TRMT6: variants seen among roughly 807,000 people sequenced by gnomAD.
The protein encoded by TRMT6 is tRNA methyltransferase 6 non-catalytic subunit.
A neutral mutation model predicts 59.0 loss-of-function variants in TRMT6; 34 were observed. The observed-to-expected ratio is 0.58, with a 90% CI of 0.44 to 0.77. The LOEUF is 0.77. Among genes scored for constraint, TRMT6 ranks in the 30% least tolerant of loss-of-function variants. The pLI, the probability that TRMT6 is intolerant of heterozygous loss-of-function variation, is 0.00. For synonymous variants in TRMT6, 217 were observed against 210.5 expected, an observed-to-expected ratio of 1.03 and a Z score of -0.27; for missense variants, 575 against 604.5, an observed-to-expected ratio of 0.95 and a Z score of 0.51.
intron 2 of TRMT6, among the ~76,000 whole-genome samples, chr20:5,945,403 T>C (rs760463860): frequency 5.3e-5 from 8 of 152,232 alleles, no homozygotes; most frequent in South Asian, 4.1e-4. Flanking sequence ...ACGACAGATG[T>C]CTGAGTGGCT....
intron 6 of TRMT6, 119 bp downstream of exon 6, chr20:5,943,440 C>T (rs2088676474): frequency 7.4e-7 from 1 of 1,360,354 alleles, no homozygotes; most frequent in Non-Finnish European, 1.0e-6. Context: ...CAGGTTCACC[C>T]AAGTCACTTT....
Position 5,938,518 on chromosome 20 carries a change from A to G in TRMT6, c.*17T>C. 1 of 1,603,518 alleles carries G rather than the reference A, an allele frequency of 6.2e-7. No homozygotes were observed. Among genetic ancestry groups the G allele is most frequent in the Non-Finnish European group, 8.5e-7 (1 of 1,174,152 alleles). On this transcript the variant is annotated 3_prime_UTR_variant, in exon 11 of 11. Transcript: ENST00000203001. ...TATAATGCCTGAGAACAAAATTCAGAGCAATTCTCAAAAGGGTTAAGAGTC... is the reference window on the plus strand; with the variant it reads ...TATAATGCCTGAGAACAAAATTCAGGGCAATTCTCAAAAGGGTTAAGAGTC...
intron 8 of TRMT6, chr20:5,941,721 T>C (rs981730037): frequency 1.4e-5 from 8 of 568,202 alleles, no homozygotes; most frequent in South Asian, 2.4e-5. Context: ...AGGGCCCATC[T>C]TGATGCAGTG....
In TRMT6 at chr20:5,938,576, GCTC is replaced by G; in HGVS notation, c.1450_1452del (p.Glu484del). On this transcript the variant is annotated inframe_deletion, in exon 11 of 11. Coordinates refer to ENST00000203001, the MANE Select transcript of TRMT6 (RefSeq NM_015939.5). ...GGGCATTTTCGTTTTTTAGCTGCAG[GCTC>G]CTCAGTCTCGTGTGATTCTAAAGTG... The G allele has an allele frequency of 1.2e-6, 2 of 1,614,032 alleles. No individual in the cohort carries two copies. Among genetic ancestry groups the G allele is most frequent in the Non-Finnish European group, 1.7e-6 (2 of 1,179,952 alleles).
chr20:5,940,243 T>A (rs1192343216), intron 10 of TRMT6, among the ~76,000 whole-genome samples: 1 of 152,162 alleles, frequency 6.6e-6, no homozygotes, highest in Non-Finnish European at 1.5e-5. Context: ...CTAAGGCATT[T>A]CCCTCAATAA....
chr20:5,938,867 TTCCCTCCC>T, intron 10 of TRMT6, 141 bp from the exon 11 acceptor site: 1 of 716,276 alleles, frequency 1.4e-6, no homozygotes, highest in Admixed American at 3.1e-5. Flanking sequence ...TTCTTTTCTT[TTCCCTCCC>T]TCCCTCCCTC....
chr20:5,948,015 G>A (rs1600226826), intron 1 of TRMT6, among the ~76,000 whole-genome samples: 1 of 152,216 alleles, frequency 6.6e-6, no homozygotes, highest in Non-Finnish European at 1.5e-5. Context: ...TAGTTACTGA[G>A]GAGGCTGAGG....
chr20:5,943,469 C>T (rs2088676885), intron 6 of TRMT6, 90 bp downstream of exon 6: 1 of 1,538,816 alleles, frequency 6.5e-7, no homozygotes, highest in Admixed American at 1.8e-5. Flanking sequence ...TGAAGTAATT[C>T]AATTTGGCTT....
chr20:5,941,710 C>G, intron 8 of TRMT6: 1 of 560,986 alleles, frequency 1.8e-6, no homozygotes, highest in South Asian at 2.4e-5. Flanking sequence ...AGTGGGACCA[C>G]AGGGCCCATC....
rs1459492666 is a variant in TRMT6 at position 5,946,469 on chromosome 20, C to T, written c.193G>A (p.Ala65Thr). ...CTTCCTCCACTGGTCACTTCAAATG[C>T]AGTTCCATAACTATGGCCAATGACG... is the stretch of plus-strand genomic sequence containing the variant. ...DNVIGHSYGT[A>T]FEVTSGGSLQ... Residue 65 changes from alanine to threonine, a missense_variant, in exon 2 of 11, where the codon GCA becomes ACA. Coordinates refer to ENST00000203001, the MANE Select transcript of TRMT6 (RefSeq NM_015939.5). 1 of 1,614,018 alleles carries T rather than the reference C, an allele frequency of 6.2e-7. No individual in the cohort carries two copies. Among genetic ancestry groups the T allele is most frequent in the African/African-American group, 1.3e-5 (1 of 74,910 alleles).
chr20:5,939,458 C>T (rs117853829), intron 10 of TRMT6, among the ~76,000 whole-genome samples: 3,563 of 144,058 alleles, frequency 0.025, 61 homozygotes, highest in South Asian at 0.048. Context: ...CCCACCTGGG[C>T]GACAGAGCGA....
Position 5,941,942 on chromosome 20 carries a change from T to C in TRMT6, c.1112+9A>G, listed in dbSNP as rs1234602840. On this transcript the variant is annotated intron_variant, in intron 8 of 10. Coordinates refer to ENST00000203001, the MANE Select transcript of TRMT6 (RefSeq NM_015939.5). ...CTGAGGAGTCTCCTGCCTTCTTCCATCAACGCACCCATCTGCGTTTCTTTC... is the reference window on the plus strand; with the variant it reads ...CTGAGGAGTCTCCTGCCTTCTTCCACCAACGCACCCATCTGCGTTTCTTTC... The C allele has an allele frequency of 6.2e-7, 1 of 1,610,586 alleles. No individual in the cohort carries two copies. The highest frequency in any genetic ancestry group is 8.5e-7 in the Non-Finnish European group (1 of 1,177,800).
intron 5 of TRMT6, 37 bp from the exon 6 acceptor site, chr20:5,943,720 A>G (rs755631427): frequency 2.3e-5 from 37 of 1,592,726 alleles, no homozygotes; most frequent in Non-Finnish European, 3.0e-5. Context: ...TTTTTAGCTA[A>G]GTAAAGCCTA....
chr20:5,946,359 G>A (rs2088706318), intron 2 of TRMT6, 47 bp downstream of exon 2: 3 of 1,612,358 alleles, frequency 1.9e-6, no homozygotes, highest in Non-Finnish European at 2.5e-6. Flanking sequence ...AGATGTTTCT[G>A]ACTAGTCAGT....
chr20:5,941,147 C>G lies in TRMT6; in HGVS notation c.1216-8G>C, dbSNP rs1383866986. 2.5e-6 allele frequency: 4 copies of G among 1,613,564 alleles called. No homozygotes were observed. In the African/African-American group the frequency reaches 5.3e-5, roughly 22 times the overall value. Reference sequence around the variant, plus strand: ...GTAGCATTCCAACAGAGGCTGCAGACAACAACAGAATTCTGTTAAGAACTA... The same window carrying G: ...GTAGCATTCCAACAGAGGCTGCAGAGAACAACAGAATTCTGTTAAGAACTA... On this transcript the variant is annotated splice_polypyrimidine_tract_variant and splice_region_variant and intron_variant, in intron 9 of 10. Transcript: ENST00000203001.
chr20:5,946,254 C>G (rs1014494178), intron 2 of TRMT6, 152 bp downstream of exon 2: 1 of 899,946 alleles, frequency 1.1e-6, no homozygotes, highest in Non-Finnish European at 1.7e-6. Flanking sequence ...AAAGGCAGTA[C>G]TTGCTTCACT....
intron 1 of TRMT6, 90 bp downstream of exon 1, chr20:5,950,188 C>A (rs2088774449): frequency 5.0e-6 from 7 of 1,402,814 alleles, no homozygotes; most frequent in Non-Finnish European, 5.8e-6. Context: ...GAATGGCACC[C>A]TGGCGGAAGA....
At position 5,943,518 on chromosome 20, in the gene TRMT6, C is replaced by T. The variant is rs763927582; in HGVS notation, c.667+41G>A. The T allele has an allele frequency of 5.0e-6, 8 of 1,611,220 alleles. No homozygotes were observed. The East Asian group carries it at 1.6e-4, about 31-fold the overall frequency. ...ATTTTTGGACCACCTTTACTCACAT[C>T]AGGGTGGGGTTTTGTTGAAAATGGA... On this transcript the variant is annotated intron_variant, in intron 6 of 10. Coordinates refer to ENST00000203001, the MANE Select transcript of TRMT6 (RefSeq NM_015939.5).
chr20:5,942,328 G>T, intron 7 of TRMT6, 100 bp downstream of exon 7: 2 of 1,021,734 alleles, frequency 2.0e-6, no homozygotes, highest in Non-Finnish European at 3.1e-6. Flanking sequence ...TTATCATCTT[G>T]GGAGCTAATA....
Sources: allele counts gnomAD v4.1 joint callset (sites outside exome capture counted in the v4.1 genomes callset), GRCh38; gene constraint gnomAD v4.1.1; transcripts MANE v1.5; gene names NCBI Gene and HGNC (gene_info 2026-07-23, HGNC 2026-07-21).